Variants in ELL2 observed in about 807,000 individuals in gnomAD.
ELL2 encodes elongation factor for RNA polymerase II 2.
ELL2 carries 21 observed loss-of-function variants against 72.8 expected under a neutral mutation model. The ratio of observed to expected loss-of-function variants is 0.29; its 90% CI spans 0.20 to 0.42. The LOEUF is 0.42. ELL2 is among the 10% of genes least tolerant of loss of function. The probability of loss-of-function intolerance (pLI) is 1.00; values close to 1 mark genes in which losing one functional copy is unlikely to be tolerated. For missense variants in ELL2, 568 were observed against 772.8 expected (o/e 0.73, Z 3.14); for synonymous variants, 266 against 283.2 (o/e 0.94, Z 0.61).
In ELL2 at chr5:95,885,148, A is replaced by G. The variant is rs1315390314; in HGVS notation, c.*3723T>C. The G allele has an allele frequency of 6.6e-6, 1 of 152,196 alleles. No homozygotes were observed. The highest frequency in any genetic ancestry group is 1.5e-5 in the Non-Finnish European group (1 of 68,030). 9.4% of individuals were successfully genotyped at this position (152,196 alleles called of 1,614,324 possible). On this transcript the variant is annotated 3_prime_UTR_variant, in exon 12 of 12. Transcript: ENST00000237853. ...CTGAAATTGGTGTAGAACAGGGGCAACCACAGCTGCTGAGCTCTGTAACAA... is the reference window on the plus strand; with the variant it reads ...CTGAAATTGGTGTAGAACAGGGGCAGCCACAGCTGCTGAGCTCTGTAACAA...
intron 1 of ELL2, among the ~76,000 whole-genome samples, chr5:95,954,778 A>G (rs1184950457): frequency 6.7e-6 from 1 of 148,634 alleles, no homozygotes; most frequent in African/African-American, 2.5e-5. Flanking sequence ...TTCATCTCCT[A>G]CCTCTCCCAC....
chr5:95,904,115 T>A (rs897994540), intron 5 of ELL2, among the ~76,000 whole-genome samples: 1 of 152,156 alleles, frequency 6.6e-6, no homozygotes, highest in Admixed American at 6.5e-5. Flanking sequence ...TGAGAAAAGG[T>A]TCCCTGATCT....
chr5:95,917,627 C>A (rs1042418574), intron 3 of ELL2, among the ~76,000 whole-genome samples: 3 of 152,092 alleles, frequency 2.0e-5, no homozygotes, highest in African/African-American at 7.2e-5. Flanking sequence ...CAATTTATAC[C>A]CTTACTACCT....
chr5:95,926,765 G>T (rs1344982810), intron 2 of ELL2, among the ~76,000 whole-genome samples: 1 of 152,072 alleles, frequency 6.6e-6, no homozygotes, highest in Non-Finnish European at 1.5e-5. Context: ...CATCCCTAAT[G>T]TATTCTTTTA....
At chr5:95,961,460 C>A (rs528724059) in intron 1 of ELL2, 115 bp downstream of exon 1, 4 of 1,258,978 alleles carry the variant, frequency 3.2e-6, no homozygotes, top group African/African-American at 1.6e-5. Context: ...CCGCTGCGGG[C>A]GCTGACGGTA....
intron 7 of ELL2, among the ~76,000 whole-genome samples, chr5:95,899,698 G>C (rs1021320425): frequency 3.3e-5 from 5 of 152,014 alleles, no homozygotes; most frequent in Admixed American, 1.3e-4. Flanking sequence ...AGAAAATAAT[G>C]GTTAATCAAC....
chr5:95,935,888 T>C (rs1452476489), intron 2 of ELL2, among the ~76,000 whole-genome samples: 2 of 146,094 alleles, frequency 1.4e-5, no homozygotes, highest in Non-Finnish European at 3.0e-5. Flanking sequence ...AAGGCAGCCA[T>C]TGGAGAAGCA....
chr5:95,892,839 G>T (rs1246412302), intron 9 of ELL2, among the ~76,000 whole-genome samples: 1 of 152,110 alleles, frequency 6.6e-6, no homozygotes, highest in Non-Finnish European at 1.5e-5. Context: ...AATTTTCTAA[G>T]TATAATTGAG....
intron 8 of ELL2, among the ~76,000 whole-genome samples, 179 bp downstream of exon 8, chr5:95,898,059 CAA>C (rs1197035368): frequency 1.4e-4 from 16 of 113,018 alleles, no homozygotes; most frequent in African/African-American, 4.6e-4. Flanking sequence ...AATAGTTGGC[CAA>C]AAAGAGATGG....
chr5:95,903,403 G>C (rs1225155673), intron 5 of ELL2, among the ~76,000 whole-genome samples: 1 of 151,476 alleles, frequency 6.6e-6, no homozygotes, highest in Non-Finnish European at 1.5e-5. Context: ...ATTTTTAGTA[G>C]AGACAGAGTT....
chr5:95,930,373 A>C (rs1016120871), intron 2 of ELL2, among the ~76,000 whole-genome samples: 4 of 152,150 alleles, frequency 2.6e-5, no homozygotes, highest in Non-Finnish European at 5.9e-5. Context: ...AGAGACTGGT[A>C]TTTGACACCT....
intron 2 of ELL2, among the ~76,000 whole-genome samples, chr5:95,942,686 A>T (rs1363989412): frequency 6.6e-6 from 1 of 152,218 alleles, no homozygotes; most frequent in Non-Finnish European, 1.5e-5. Context: ...TATGGATGTT[A>T]AGCTGTGATA....
intron 2 of ELL2, among the ~76,000 whole-genome samples, chr5:95,923,742 G>C (rs750058359): frequency 6.6e-6 from 1 of 152,152 alleles, no homozygotes; most frequent in Non-Finnish European, 1.5e-5. Context: ...AATGCAGATG[G>C]TATGGTCTGA....
rs2112369178 is a variant in ELL2 at position 95,961,658 on chromosome 5, G to T, written c.64C>A (p.Leu22Met). ...EQRYGLSCGR[L>M]GQDNITVLHV... is the part of the protein sequence containing the mutation. ...AGTACGGTGATGTTGTCCTGCCCCA[G>T]CCGTCCGCACGACAGCCCATAGCGC... The change falls in exon 1 of 12, where the codon CTG becomes ATG. Residue 22 changes from leucine (L) to methionine (M), a missense_variant. By Grantham distance (15) the Leu-to-Met change is conservative (BLOSUM62 2). This residue lies in a region of ELL2 where 57 missense variants were observed against 44.4 expected (regional missense o/e 1.28). Coordinates refer to ENST00000237853, the MANE Select transcript of ELL2 (RefSeq NM_012081.6). 1.2e-6 allele frequency: 2 copies of T among 1,610,252 alleles called. No homozygotes were observed. The highest frequency in any genetic ancestry group is 1.7e-5 in the Admixed American group (1 of 59,862).
In ELL2 at chr5:95,901,094, T is replaced by C. The variant is rs372846638; in HGVS notation, c.742-14A>G. On this transcript the variant is annotated splice_polypyrimidine_tract_variant and intron_variant, in intron 5 of 11. Transcript: ENST00000237853. The stretch of plus-strand genomic sequence containing the variant: ...CAGATTGGCTACCTAGTATGAGGTA[T>C]AAAAACAGAGCATTAGGTATTTTTA... 3.1e-6 allele frequency: 5 copies of C among 1,589,300 alleles called. No homozygotes were observed. The South Asian group carries it at 4.6e-5, about 15-fold the overall frequency.
chr5:95,897,921 T>C (rs769590872), intron 8 of ELL2, among the ~76,000 whole-genome samples: 4 of 152,086 alleles, frequency 2.6e-5, no homozygotes, highest in Non-Finnish European at 4.4e-5. Flanking sequence ...ATATAATAGG[T>C]CATGCTGAGG....
At chr5:95,949,174 T>C (rs1052737866) in intron 1 of ELL2, among the ~76,000 whole-genome samples, 1 of 152,216 alleles carries the variant, frequency 6.6e-6, no homozygotes, top group African/African-American at 2.4e-5. Context: ...AAGTAATATA[T>C]AATTTACTGA....
At chr5:95,954,179 A>T (rs1232945977) in intron 1 of ELL2, among the ~76,000 whole-genome samples, 2 of 152,190 alleles carry the variant, frequency 1.3e-5, no homozygotes. Flanking sequence ...AATATACTTC[A>T]CAAATATAAA....
chr5:95,930,813 T>C (rs1750569184), intron 2 of ELL2, among the ~76,000 whole-genome samples: 1 of 152,222 alleles, frequency 6.6e-6, no homozygotes, highest in African/African-American at 2.4e-5. Context: ...AGACATACAA[T>C]ATTTGGGGTA....
Sources: allele counts gnomAD v4.1 joint callset (sites outside exome capture counted in the v4.1 genomes callset), GRCh38; gene constraint gnomAD v4.1.1; regional missense constraint gnomAD v4.1.1; transcripts MANE v1.5; gene names NCBI Gene and HGNC (gene_info 2026-07-23, HGNC 2026-07-21).